SNX19: variants seen among roughly 807,000 people sequenced by gnomAD.
SNX19 encodes sorting nexin-19.
A neutral mutation model predicts 85.2 loss-of-function variants in SNX19; 60 were observed. The observed-to-expected ratio is 0.70, with a 90% CI of 0.57 to 0.87. The LOEUF (loss-of-function observed/expected upper bound fraction) is 0.87, where lower values mean the gene tolerates loss of function less well. Ranked by LOEUF, SNX19 falls within the 40% of genes least tolerant of loss-of-function variation. The pLI is 0.00. For missense variants in SNX19, 1,201 were observed against 1,217.8 expected (o/e 0.99, Z 0.21); for synonymous variants, 520 against 470.0 (o/e 1.11, Z -1.38).
rs947837283 is a variant in SNX19, at chr11:130,871,806, G to A, written c.*6616C>T. 6.6e-6 allele frequency among the ~76,000 whole-genome samples: 1 copy of A among 152,092 alleles called. No homozygotes were observed. Among genetic ancestry groups the A allele is most frequent in the African/African-American group, 2.4e-5 (1 of 41,400 alleles). On this transcript the variant is annotated 3_prime_UTR_variant, in exon 11 of 11. Transcript: ENST00000265909. ...GGTGCAGCAGTAACATGGAACATAA[G>A]GTGGGAAAAAAGACAAAAGTGTGGA...
chr11:130,879,658 C>G lies in SNX19; in HGVS notation c.2812G>C (p.Val938Leu), dbSNP rs766043253. The change falls in exon 10 of 11, where the codon GTC becomes CTC. Residue 938 changes from valine (V) to leucine (L), a missense_variant. Physicochemically the swap from Val to Leu is conservative, Grantham distance 32 (BLOSUM62 1). Transcript: ENST00000265909. ...AGGGGTTGTTGTAGTGACTCCAGGA[C>G]TAGACCCCAGCTCAGCCGGCATTTG... is the stretch of plus-strand genomic sequence containing the variant. Reference protein sequence around the residue: ...VNKCRLSWGLVLESLQQPLIN... With the variant: ...VNKCRLSWGLLLESLQQPLIN... 38 of 1,613,838 alleles carry G rather than the reference C, an allele frequency of 2.4e-5. No individual in the cohort carries two copies. Among genetic ancestry groups the G allele is most frequent in the Non-Finnish European group, 3.1e-5 (36 of 1,179,940 alleles).
At chr11:130,897,373 TACAC>T (rs143692993) in intron 8 of SNX19, among the ~76,000 whole-genome samples, 1 of 150,636 alleles carries the variant, frequency 6.6e-6, no homozygotes, top group Non-Finnish European at 1.5e-5. Flanking sequence ...GTCTCTATCT[TACAC>T]ACACACACAC....
rs1308345666 is a variant in SNX19 at position 130,873,688 on chromosome 11, G to T, written c.*4734C>A. On this transcript the variant is annotated 3_prime_UTR_variant, in exon 11 of 11. Coordinates refer to ENST00000265909, the MANE Select transcript of SNX19 (RefSeq NM_014758.3). ...ACATCAGAACCTACCTTTAAGGGTT[G>T]ATTTGTGGGTTAAATAAGTGAAGAT... Among the ~76,000 whole-genome samples, 1 of 152,128 alleles carries T rather than the reference G, an allele frequency of 6.6e-6. No homozygotes were observed. The highest frequency in any genetic ancestry group is 1.5e-5 in the Non-Finnish European group (1 of 68,036).
chr11:130,894,655 T>C lies in SNX19; in HGVS notation c.2573+8600A>G, dbSNP rs1200826531. The C allele has an allele frequency of 3.0e-6, 3 of 985,342 alleles. No individual in the cohort carries two copies. In the African/African-American group the frequency reaches 5.2e-5, roughly 17 times the overall value. The allele number at this position is 985,342 out of a possible 1,614,324, so 61.0% of individuals were successfully genotyped here. A position where few individuals can be genotyped will look rare whatever the true frequency, so the allele number is the denominator to read the frequency against. On this transcript the variant is annotated intron_variant, in intron 8 of 10. Coordinates refer to ENST00000265909, the MANE Select transcript of SNX19 (RefSeq NM_014758.3). Reference sequence around the variant, plus strand: ...CCCACGCCATGCAGCAGCAGTTTGGTAGGCTTTTTGTCACCTATTTGAAAC... The same window carrying C: ...CCCACGCCATGCAGCAGCAGTTTGGCAGGCTTTTTGTCACCTATTTGAAAC...
At position 130,892,424 on chromosome 11, in the gene SNX19, TAAG is replaced by T. The variant is rs1417696959; in HGVS notation, c.2573+10828_2573+10830del. On this transcript the variant is annotated intron_variant, in intron 8 of 10. Coordinates refer to ENST00000265909, the MANE Select transcript of SNX19 (RefSeq NM_014758.3). ...TCACAAAGTTATCATCAAGATGAAA[TAAG>T]AAAAATAAAAAGTATTTCTAAAAGT... Among the ~76,000 whole-genome samples, 7 of 152,186 alleles carry T rather than the reference TAAG, an allele frequency of 4.6e-5. No homozygotes were observed. The East Asian group carries it at 1.4e-3, about 29-fold the overall frequency.
intron 8 of SNX19, among the ~76,000 whole-genome samples, chr11:130,901,171 C>T (rs1306104189): frequency 6.6e-6 from 1 of 152,196 alleles, no homozygotes; most frequent in Non-Finnish European, 1.5e-5. Flanking sequence ...TGCCAGTAGG[C>T]ATCCCACATC....
chr11:130,907,167 A>G (rs1945733146), intron 5 of SNX19, among the ~76,000 whole-genome samples: 1 of 152,190 alleles, frequency 6.6e-6, no homozygotes. Context: ...TCCAAATAAA[A>G]CCAGAAAAGG....
intron 8 of SNX19, among the ~76,000 whole-genome samples, chr11:130,884,383 A>G (rs2135294197): frequency 6.6e-6 from 1 of 152,254 alleles, no homozygotes; most frequent in East Asian, 1.9e-4. Flanking sequence ...GGTTAAAAAG[A>G]GATTCGTAAC....
intron 7 of SNX19, chr11:130,905,626 G>T (rs751139710): frequency 1.7e-5 from 24 of 1,444,366 alleles, no homozygotes; most frequent in Non-Finnish European, 2.1e-5. Flanking sequence ...ACTAAGGGAA[G>T]AAAGTTTCTA....
At position 130,915,214 on chromosome 11, in the gene SNX19, G is replaced by A. The variant is rs770449195; in HGVS notation, c.726C>T (p.Ile242=). The A allele has an allele frequency of 6.2e-6, 10 of 1,614,130 alleles. No homozygotes were observed. The highest frequency in any genetic ancestry group is 8.5e-6 in the Non-Finnish European group (10 of 1,180,058). Residue 242 remains isoleucine, a synonymous_variant, in exon 1 of 11, where the codon ATC becomes ATT. Coordinates refer to ENST00000265909, the MANE Select transcript of SNX19 (RefSeq NM_014758.3). ...RTGRHVVVEL[I]TCNVILPLIS... is the part of the protein sequence containing the mutation. ...TCAGTGGTAAGATTACATTGCATGT[G>A]ATGAGTTCGACCACTACATGGCGTC...
At chr11:130,893,622 T>C in intron 8 of SNX19, 1 of 594,524 alleles carries the variant, frequency 1.7e-6, no homozygotes, top group East Asian at 2.8e-5. Flanking sequence ...GACACCGAAG[T>C]GGCAACTCCA....
At chr11:130,886,098 T>C (rs1944045656) in intron 8 of SNX19, among the ~76,000 whole-genome samples, 2 of 152,204 alleles carry the variant, frequency 1.3e-5, no homozygotes, top group Admixed American at 6.5e-5. Context: ...ATTACTGCCT[T>C]AGACCCAGGG....
chr11:130,911,397 T>A, intron 2 of SNX19: 1 of 1,254,766 alleles, frequency 8.0e-7, no homozygotes, highest in Non-Finnish European at 1.0e-6. Context: ...ACTTATTTTT[T>A]AATCTTAAAC....
chr11:130,900,481 C>T (rs570272017), intron 8 of SNX19, among the ~76,000 whole-genome samples: 11 of 152,246 alleles, frequency 7.2e-5, no homozygotes, highest in South Asian at 2.1e-4. Context: ...CCCAGGGCCC[C>T]GGCCACATGA....
chr11:130,889,195 TTAC>T (rs1219698291), intron 8 of SNX19, among the ~76,000 whole-genome samples: 29 of 152,174 alleles, frequency 1.9e-4, no homozygotes, highest in African/African-American at 6.0e-4. Context: ...ACTAGTTCTA[TTAC>T]TACTATTTTT....
At chr11:130,898,418 T>C (rs187161533) in intron 8 of SNX19, among the ~76,000 whole-genome samples, 2 of 152,252 alleles carry the variant, frequency 1.3e-5, no homozygotes, top group Non-Finnish European at 2.9e-5. Context: ...ACTAGAGAAG[T>C]GGCAGTACCA....
At chr11:130,882,198 C>T (rs1221080593) in intron 8 of SNX19, among the ~76,000 whole-genome samples, 2 of 152,202 alleles carry the variant, frequency 1.3e-5, no homozygotes, top group African/African-American at 4.8e-5. Context: ...GTTGAGGCCT[C>T]CCCTTCACCC....
intron 7 of SNX19, among the ~76,000 whole-genome samples, chr11:130,904,089 G>A (rs1232343195): frequency 6.6e-6 from 1 of 152,150 alleles, no homozygotes; most frequent in East Asian, 1.9e-4. Flanking sequence ...GTTCTTTCCT[G>A]TTTCAAAGAC....
Position 130,910,112 on chromosome 11 carries a change from G to T in SNX19, c.1940C>A (p.Ala647Asp). Residue 647 changes from alanine to aspartate, a missense_variant, in exon 4 of 11, where the codon GCT becomes GAT. Around this residue, in one of 3 missense-constraint regions of SNX19, gnomAD observed 125 missense variants for 171.6 expected, o/e 0.73. Coordinates refer to ENST00000265909, the MANE Select transcript of SNX19 (RefSeq NM_014758.3). ...LKQLCAIPEIANSEEVQEFLA... is the reference protein window; with the variant it reads ...LKQLCAIPEIDNSEEVQEFLA... ...GAACTCCTGCACCTCCTCACTGTTA[G>T]CGATCTCCGGAATGGCACAGAGTTG... 1 of 1,614,128 alleles carries T rather than the reference G, an allele frequency of 6.2e-7. No individual in the cohort carries two copies. Among genetic ancestry groups the T allele is most frequent in the Non-Finnish European group, 8.5e-7 (1 of 1,180,016 alleles).
Sources: allele counts gnomAD v4.1 joint callset (sites outside exome capture counted in the v4.1 genomes callset), GRCh38; gene constraint gnomAD v4.1.1; regional missense constraint gnomAD v4.1.1; transcripts MANE v1.5; gene names NCBI Gene and HGNC (gene_info 2026-07-23, HGNC 2026-07-21).